Variants in PCSK1 observed in about 807,000 individuals in gnomAD.
PCSK1 encodes the protein proprotein convertase subtilisin/kexin type 1.
Under a neutral mutation model 90.6 loss-of-function variants are expected in PCSK1, and 56 were observed. The ratio of observed to expected loss-of-function variants is 0.62; its 90% CI spans 0.50 to 0.77. The LOEUF (loss-of-function observed/expected upper bound fraction) is 0.77. PCSK1 is among the 30% of genes least tolerant of loss of function. PCSK1 has a pLI of 0.00. For synonymous variants in PCSK1, 348 were observed against 342.4 expected (o/e 1.02, Z -0.18); for missense variants, 801 against 932.6 (o/e 0.86, Z 1.84).
At position 96,399,069 on chromosome 5, in the gene PCSK1, G is replaced by T. The variant is rs771129335; in HGVS notation, c.1431-33C>A. The stretch of plus-strand genomic sequence containing the variant: ...CATTAAAGAATCAGCATTGAATAAA[G>T]TATATCCAAACTTCCTTGCATTTTA... On this transcript the variant is annotated intron_variant, in intron 10 of 13. Transcript: ENST00000311106. The T allele has an allele frequency of 4.7e-5, 72 of 1,530,478 alleles. 1 individual carries two copies. In the South Asian group the frequency reaches 6.2e-4, roughly 13 times the overall value. 94.8% of individuals were successfully genotyped at this position (1,530,478 alleles called of 1,614,324 possible). A position where few individuals can be genotyped will look rare whatever the true frequency, so the allele number is the denominator to read the frequency against.
intron 6 of PCSK1, chr5:96,412,976 G>A: frequency 1.0e-6 from 1 of 1,001,076 alleles, no homozygotes; most frequent in Non-Finnish European, 1.2e-6. Flanking sequence ...CCTCATGGCT[G>A]TCCCACAAAT....
chr5:96,397,330 A>T lies in PCSK1; in HGVS notation c.1722+6T>A. ...TGTGTTTTTTCATCCTCTCATTCAC[A>T]CTTACCATGTCTGTAATTCTCAAAG... is the stretch of plus-strand genomic sequence containing the variant. On this transcript the variant is annotated splice_donor_region_variant and intron_variant, in intron 12 of 13. Transcript: ENST00000311106. 1 of 1,612,560 alleles carries T rather than the reference A, an allele frequency of 6.2e-7. No individual in the cohort carries two copies. The highest frequency in any genetic ancestry group is 8.5e-7 in the Non-Finnish European group (1 of 1,178,710).
intron 6 of PCSK1, among the ~76,000 whole-genome samples, chr5:96,414,360 C>T (rs1306443425): frequency 6.6e-6 from 1 of 152,170 alleles, no homozygotes; most frequent in Non-Finnish European, 1.5e-5. Flanking sequence ...TGCCGTAATT[C>T]TCCTCACTTT....
rs1554058747 is a variant in PCSK1 at position 96,412,758 on chromosome 5, T to TTTTTTTTGTTTTTTTG, written c.710-269_710-268insCAAAAAAACAAAAAAA. On this transcript the variant is annotated intron_variant, in intron 6 of 13. Transcript: ENST00000311106. ...CTGTGTAGGCAGCTGTGATGTTTTT[T>TTTTTTTTGTTTTTTTG]TTTTTTTTTTTTTTTTTGGTCCCAC... Among the ~76,000 whole-genome samples, 36 of 143,278 alleles carry TTTTTTTTGTTTTTTTG rather than the reference T, an allele frequency of 2.5e-4. 1 individual carries two copies. The highest frequency in any genetic ancestry group is 9.8e-4 in the African/African-American group (35 of 35,572). The allele number at this position is 143,278 out of a possible 152,430, so 94.0% of individuals were successfully genotyped here.
chr5:96,398,533 G>A (rs1760244143), intron 11 of PCSK1, among the ~76,000 whole-genome samples: 1 of 152,182 alleles, frequency 6.6e-6, no homozygotes. Flanking sequence ...ATATCTGTGA[G>A]TTTGGTTAAT....
rs1561360326 is a variant in PCSK1 at position 96,392,017 on chromosome 5, A to G, written c.*984T>C. On this transcript the variant is annotated 3_prime_UTR_variant, in exon 14 of 14. Transcript: ENST00000311106. ...CAAATACTTAGAACACGCTGTTCTAATGAACACAGTTGGAAAAAAACAAAA... is the reference window on the plus strand; with the variant it reads ...CAAATACTTAGAACACGCTGTTCTAGTGAACACAGTTGGAAAAAAACAAAA... 6.6e-6 allele frequency: 1 copy of G among 152,204 alleles called. No individual in the cohort carries two copies. The highest frequency in any genetic ancestry group is 1.5e-5 in the Non-Finnish European group (1 of 68,042). The allele number at this position is 152,204 out of a possible 1,614,324, so 9.4% of individuals were successfully genotyped here.
At chr5:96,425,737 A>AG (rs1388520187) in intron 3 of PCSK1, 83 bp downstream of exon 3, 18 of 787,248 alleles carry the variant, frequency 2.3e-5, no homozygotes, top group Non-Finnish European at 3.6e-5. Flanking sequence ...ATAAAAAAAA[A>AG]AAAAAATCCA....
intron 2 of PCSK1, among the ~76,000 whole-genome samples, chr5:96,426,549 C>A (rs759905851): frequency 2.0e-5 from 3 of 152,176 alleles, no homozygotes; most frequent in Non-Finnish European, 2.9e-5. Context: ...AATTCAGTCT[C>A]ATGTATTATG....
chr5:96,417,228 G>T (rs1490912041), intron 5 of PCSK1, among the ~76,000 whole-genome samples: 3 of 152,104 alleles, frequency 2.0e-5, no homozygotes, highest in Non-Finnish European at 2.9e-5. Context: ...TCTTTTTCCT[G>T]AAGTAGCAAA....
chr5:96,426,863 T>G (rs977210666), intron 2 of PCSK1, among the ~76,000 whole-genome samples: 1 of 152,184 alleles, frequency 6.6e-6, no homozygotes, highest in Non-Finnish European at 1.5e-5. Context: ...CCACTAAGAC[T>G]GCCCTCAATT....
At chr5:96,408,158 A>AC in intron 9 of PCSK1, 65 bp downstream of exon 9, 1 of 1,153,140 alleles carries the variant, frequency 8.7e-7, no homozygotes, top group East Asian at 2.5e-5. Context: ...TCAGAAAAAA[A>AC]AGTGTTATTA....
At chr5:96,407,201 T>G (rs1005114813) in intron 9 of PCSK1, among the ~76,000 whole-genome samples, 2 of 152,156 alleles carry the variant, frequency 1.3e-5, no homozygotes, top group African/African-American at 4.8e-5. Flanking sequence ...ACATATTAAC[T>G]ACATTTCATT....
Position 96,397,793 on chromosome 5 carries a change from GAATTA to G in PCSK1, c.1589-329_1589-325del, listed in dbSNP as rs568077002. Among the ~76,000 whole-genome samples the G allele has an allele frequency of 6.9e-3, 1,037 of 150,882 alleles. 3 individuals are homozygous for G. The highest frequency in any genetic ancestry group is 0.011 in the Non-Finnish European group (760 of 67,962). On this transcript the variant is annotated intron_variant, in intron 11 of 13. Transcript: ENST00000311106. ...ACTCGGCGAACTACATTTACAAATT[GAATTA>G]GAGAGTCAAAAATCTAAAAATATTT...
At chr5:96,423,853 G>A (rs1356009915) in intron 3 of PCSK1, among the ~76,000 whole-genome samples, 1 of 152,064 alleles carries the variant, frequency 6.6e-6, no homozygotes, top group Non-Finnish European at 1.5e-5. Context: ...TTGCCACATT[G>A]AGCTCTCATT....
intron 6 of PCSK1, among the ~76,000 whole-genome samples, chr5:96,415,415 G>T (rs1292942019): frequency 6.6e-6 from 1 of 152,156 alleles, no homozygotes; most frequent in African/African-American, 2.4e-5. Context: ...GAGGCTAAAG[G>T]TGATAACATC....
Position 96,392,146 on chromosome 5 carries a change from CTA to C in PCSK1, c.*853_*854del, listed in dbSNP as rs1383774729. The C allele has an allele frequency of 6.6e-6, 1 of 151,168 alleles. No homozygotes were observed. Among genetic ancestry groups the C allele is most frequent in the African/African-American group, 2.4e-5 (1 of 41,066 alleles). 9.4% of individuals were successfully genotyped at this position (151,168 alleles called of 1,614,324 possible). A position where few individuals can be genotyped will look rare whatever the true frequency, so the allele number is the denominator to read the frequency against. Reference sequence around the variant, plus strand: ...CTGTTACTGCTGAAAAAAATTGTGACTAGGAATTTGCCAAGTCCCAAGTGTAA... The same window carrying C: ...CTGTTACTGCTGAAAAAAATTGTGACGGAATTTGCCAAGTCCCAAGTGTAA... On this transcript the variant is annotated 3_prime_UTR_variant, in exon 14 of 14. Coordinates refer to ENST00000311106, the MANE Select transcript of PCSK1 (RefSeq NM_000439.5).
intron 7 of PCSK1, among the ~76,000 whole-genome samples, chr5:96,411,361 C>T (rs1760749272): frequency 6.6e-6 from 1 of 152,200 alleles, no homozygotes; most frequent in South Asian, 2.1e-4. Flanking sequence ...TTCTGGCTGA[C>T]TGATAGAATG....
chr5:96,424,289 A>G (rs928229428), intron 3 of PCSK1, among the ~76,000 whole-genome samples: 1 of 152,132 alleles, frequency 6.6e-6, no homozygotes, highest in African/African-American at 2.4e-5. Flanking sequence ...GTGGGGTGAC[A>G]AGTATTTGCC....
chr5:96,411,787 C>G (rs1450796499), intron 7 of PCSK1, among the ~76,000 whole-genome samples: 3 of 152,142 alleles, frequency 2.0e-5, no homozygotes, highest in South Asian at 2.1e-4. Context: ...ACCTCAGACC[C>G]AAATAGGGAA....
Sources: gnomAD v4.1 joint callset for allele counts (sites outside exome capture counted in the v4.1 genomes callset) on GRCh38, gnomAD v4.1.1 for gene constraint, MANE v1.5 for transcripts, NCBI Gene and HGNC (gene_info 2026-07-23, HGNC 2026-07-21) for gene names.